The following MOB2 variants were observed in gnomAD, a reference collection of about 807,000 sequenced individuals.
MOB2 encodes MOB kinase activator 2.
MOB2 carries 14 observed loss-of-function variants against 27.4 expected under a neutral mutation model. That is an observed-to-expected ratio of 0.51 (90% CI 0.34 to 0.80). MOB2 has a LOEUF of 0.80. Among genes scored for constraint, MOB2 ranks in the 30% least tolerant of loss-of-function variants. The pLI is 0.01. For synonymous variants in MOB2, 167 were observed against 151.8 expected, an observed-to-expected ratio of 1.10 and a Z score of -0.74; for missense variants, 304 against 354.6, an observed-to-expected ratio of 0.86 and a Z score of 1.15.
At position 1,480,884 on chromosome 11, in the gene MOB2, T is replaced by C; in HGVS notation, c.112A>G (p.Lys38Glu). The C allele has an allele frequency of 6.4e-7, 1 of 1,554,434 alleles. No homozygotes were observed. Among genetic ancestry groups the C allele is most frequent in the Non-Finnish European group, 8.7e-7 (1 of 1,149,146 alleles). Residue 38 changes from lysine to glutamate, a missense_variant and splice_region_variant, in exon 2 of 5, where the codon AAG (lysine) becomes GAG (glutamate). Lys to Glu is a moderately conservative substitution (Grantham distance 56). Transcript: ENST00000329957. ...VLQAVSKVLR[K>E]SKAKPNGKKP... ...TTGCCATTAGGCTTGGCTTTGGACT[T>C]CCTGCCAAGAGAGGAGACGCGGTGT...
chr11:1,477,103 G>A (rs962931490), intron 3 of MOB2, among the ~76,000 whole-genome samples: 3 of 152,114 alleles, frequency 2.0e-5, no homozygotes, highest in South Asian at 2.1e-4. Flanking sequence ...TGGGGTCATC[G>A]GGCTCCGTGC....
At chr11:1,483,852 G>A (rs529575710) in intron 1 of MOB2, among the ~76,000 whole-genome samples, 2 of 152,328 alleles carry the variant, frequency 1.3e-5, no homozygotes, top group South Asian at 4.1e-4. Flanking sequence ...CAAGGGAAGG[G>A]GCACAGGGAG....
intron 3 of MOB2, chr11:1,473,093 C>T (rs1847813305): frequency 6.5e-6 from 1 of 152,774 alleles, no homozygotes; most frequent in African/African-American, 2.4e-5. Context: ...CCCCTCCCAG[C>T]ACCCACCTCC....
At chr11:1,485,111 C>A (rs1295982128) in intron 1 of MOB2, among the ~76,000 whole-genome samples, 2 of 152,250 alleles carry the variant, frequency 1.3e-5, no homozygotes, top group African/African-American at 2.4e-5. Context: ...CGCCTCGGCC[C>A]CTCCATGCAT....
At chr11:1,477,489 G>A (rs56070773) in intron 3 of MOB2, among the ~76,000 whole-genome samples, 10,993 of 152,164 alleles carry the variant, frequency 0.072, 1,366 homozygotes, top group African/African-American at 0.25. Flanking sequence ...CAGACGCAAG[G>A]GTATCTGGAG....
At chr11:1,470,927 G>A (rs1564907982) in intron 4 of MOB2, among the ~76,000 whole-genome samples, 1 of 152,248 alleles carries the variant, frequency 6.6e-6, no homozygotes, top group Admixed American at 6.5e-5. Context: ...CGGGAGTGGC[G>A]TGGAGCCCCA....
chr11:1,485,749 G>C (rs762094635), intron 1 of MOB2, among the ~76,000 whole-genome samples: 1 of 151,950 alleles, frequency 6.6e-6, no homozygotes, highest in Middle Eastern at 3.4e-3. Flanking sequence ...CCACACACAC[G>C]GGTGCACGCT....
chr11:1,485,493 G>A (rs551589335), intron 1 of MOB2, among the ~76,000 whole-genome samples: 1 of 152,380 alleles, frequency 6.6e-6, no homozygotes, highest in Admixed American at 6.5e-5. Context: ...TGAATGCACA[G>A]GTGATCGGGA....
At chr11:1,485,753 G>A (rs1847963162) in intron 1 of MOB2, among the ~76,000 whole-genome samples, 1 of 151,966 alleles carries the variant, frequency 6.6e-6, no homozygotes, top group Admixed American at 6.6e-5. Flanking sequence ...ACACACGGGT[G>A]CACGCTCCCA....
At chr11:1,483,726 C>G (rs530900195) in intron 1 of MOB2, among the ~76,000 whole-genome samples, 33 of 152,378 alleles carry the variant, frequency 2.2e-4, no homozygotes, top group African/African-American at 7.9e-4. Context: ...AAATGCCACC[C>G]TCCCCATTCT....
At chr11:1,473,743 T>C (rs1847822525) in intron 3 of MOB2, among the ~76,000 whole-genome samples, 1 of 152,248 alleles carries the variant, frequency 6.6e-6, no homozygotes, top group African/African-American at 2.4e-5. Context: ...AAACCGTTTC[T>C]GGTATATAGT....
intron 3 of MOB2, among the ~76,000 whole-genome samples, chr11:1,478,757 C>T (rs1345711516): frequency 3.3e-5 from 5 of 152,198 alleles, no homozygotes; most frequent in African/African-American, 7.2e-5. Context: ...TTTCCGGCCC[C>T]GCCCCCTTTC....
rs1357378487 is a variant in MOB2 at position 1,469,708 on chromosome 11, C to T, written c.*464G>A. Reference sequence around the variant, plus strand: ...AGCTGCCAACAGCCAAGACTCCTGGCGAGGCCGGGAGAGGAGGGGTGAGAG... The same window carrying T: ...AGCTGCCAACAGCCAAGACTCCTGGTGAGGCCGGGAGAGGAGGGGTGAGAG... On this transcript the variant is annotated 3_prime_UTR_variant, in exon 5 of 5. Coordinates refer to ENST00000329957, the MANE Select transcript of MOB2 (RefSeq NM_001172223.3). 5 of 458,878 alleles carry T rather than the reference C, an allele frequency of 1.1e-5. No individual in the cohort carries two copies. Among genetic ancestry groups the T allele is most frequent in the Non-Finnish European group, 1.7e-5 (4 of 228,758 alleles). 28.4% of individuals were successfully genotyped at this position (458,878 alleles called of 1,614,324 possible). A position where few individuals can be genotyped will look rare whatever the true frequency, so the allele number is the denominator to read the frequency against.
chr11:1,481,127 T>G (rs1847908605), intron 1 of MOB2: 1 of 642,882 alleles, frequency 1.6e-6, no homozygotes, highest in African/African-American at 1.8e-5. Context: ...CGCTCCCACT[T>G]GCCACACGGG....
intron 3 of MOB2, among the ~76,000 whole-genome samples, chr11:1,473,885 C>T (rs540551863): frequency 1.3e-3 from 205 of 152,358 alleles, no homozygotes; most frequent in African/African-American, 4.5e-3. Context: ...AGGGATGGGC[C>T]GCGGGAAGGA....
intron 1 of MOB2, among the ~76,000 whole-genome samples, chr11:1,484,694 G>C (rs1408055803): frequency 6.6e-6 from 1 of 152,102 alleles, no homozygotes; most frequent in African/African-American, 2.4e-5. Context: ...GGTGTTGAGG[G>C]GGGGCCTGAA....
At chr11:1,485,799 A>C (rs551603383) in intron 1 of MOB2, among the ~76,000 whole-genome samples, 1 of 152,326 alleles carries the variant, frequency 6.6e-6, no homozygotes, top group South Asian at 2.1e-4. Context: ...ACGCCCCTGC[A>C]CACACCGAGC....
intron 3 of MOB2, chr11:1,472,374 A>G (rs945894007): frequency 3.3e-5 from 5 of 152,424 alleles, no homozygotes; most frequent in African/African-American, 9.7e-5. Context: ...GACACAGCCA[A>G]CACTATGGGT....
intron 3 of MOB2, among the ~76,000 whole-genome samples, chr11:1,479,686 C>T (rs1416961270): frequency 2.6e-5 from 4 of 152,238 alleles, no homozygotes; most frequent in South Asian, 4.1e-4. Flanking sequence ...ACTTTCAGGA[C>T]GCACTCACAG....
Sources: allele counts gnomAD v4.1 joint callset (sites outside exome capture counted in the v4.1 genomes callset), GRCh38; gene constraint gnomAD v4.1.1; transcripts MANE v1.5; gene names NCBI Gene and HGNC (gene_info 2026-07-23, HGNC 2026-07-21).